KIF21B: variants seen among roughly 807,000 people sequenced by gnomAD.
KIF21B encodes kinesin-like protein KIF21B.
In KIF21B, 85 loss-of-function variants were observed where a neutral mutation model predicts 192.9. The ratio of observed to expected loss-of-function variants is 0.44; its 90% CI spans 0.37 to 0.53. KIF21B has a LOEUF of 0.53. Among genes scored for constraint, KIF21B ranks in the 20% least tolerant of loss-of-function variants. The pLI, the probability that KIF21B is intolerant of heterozygous loss-of-function variation, is 0.00. For missense variants in KIF21B, 1,716 were observed against 2,194.8 expected, an observed-to-expected ratio of 0.78 and a Z score of 4.36; for synonymous variants, 832 against 884.6, an observed-to-expected ratio of 0.94 and a Z score of 1.05.
chr1:200,999,322 C>A lies in KIF21B; in HGVS notation c.1885+27G>T, dbSNP rs1181919894. On this transcript the variant is annotated intron_variant, in intron 13 of 34. Coordinates refer to ENST00000461742, the MANE Select transcript of KIF21B (RefSeq NM_001252102.2). This position sits in a 1 kb window ranked among gnomAD's most constrained non-coding sequence, Gnocchi z 4.7. ...ACTGGCAGCCAGGCATTGCATCCCC[C>A]ACAGCCCACAGCTCAGGCCCACGCA... 1 of 1,613,992 alleles carries A rather than the reference C, an allele frequency of 6.2e-7. No individual in the cohort carries two copies. Among genetic ancestry groups the A allele is most frequent in the South Asian group, 1.1e-5 (1 of 91,086 alleles).
chr1:200,976,963 G>T (rs1655592894), intron 31 of KIF21B, 70 bp from the exon 32 acceptor site: 3 of 1,218,710 alleles, frequency 2.5e-6, no homozygotes, highest in Admixed American at 4.0e-5. Flanking sequence ...TGGGGTGTCT[G>T]CCCCAAAACA....
Position 200,973,421 on chromosome 1 carries a change from C to A in KIF21B, c.*100G>T. On this transcript the variant is annotated 3_prime_UTR_variant, in exon 35 of 35. Coordinates refer to ENST00000461742, the MANE Select transcript of KIF21B (RefSeq NM_001252102.2). ...CAGGAGAGGGGGCCACGCCCTCTGTCCCCAGAGCAGCTGGCCCCATCGGCC... is the reference window on the plus strand; with the variant it reads ...CAGGAGAGGGGGCCACGCCCTCTGTACCCAGAGCAGCTGGCCCCATCGGCC... 1 of 1,347,572 alleles carries A rather than the reference C, an allele frequency of 7.4e-7. No individual in the cohort carries two copies. Among genetic ancestry groups the A allele is most frequent in the East Asian group, 3.1e-5 (1 of 32,748 alleles). 83.5% of individuals were successfully genotyped at this position (1,347,572 alleles called of 1,614,324 possible). A position where few individuals can be genotyped will look rare whatever the true frequency, so the allele number is the denominator to read the frequency against.
intron 25 of KIF21B, 37 bp from the exon 26 acceptor site, chr1:200,986,955 T>G (rs1158654888): frequency 6.2e-7 from 1 of 1,612,338 alleles, no homozygotes; most frequent in Non-Finnish European, 8.5e-7. Flanking sequence ...CAGACCCAAC[T>G]CCACCTCCAC....
intron 21 of KIF21B, among the ~76,000 whole-genome samples, chr1:200,989,324 G>A (rs1656519692): frequency 6.6e-6 from 1 of 152,166 alleles, no homozygotes; most frequent in Non-Finnish European, 1.5e-5. Flanking sequence ...CAGACACAAA[G>A]CGGAGCTGAG....
In KIF21B at chr1:200,990,981, G is replaced by A. The variant is rs146392643; in HGVS notation, c.2623C>T (p.Arg875Cys). Residue 875 changes from arginine (R) to cysteine (C), a missense_variant, in exon 18 of 35, where the codon CGC becomes TGC. Physicochemically the swap from Arg to Cys is radical, Grantham distance 180. This residue lies in a region of KIF21B where 1,087 missense variants were observed against 1,316.6 expected (regional missense o/e 0.83). Transcript: ENST00000461742. This position sits in a 1 kb window ranked among gnomAD's most constrained non-coding sequence, Gnocchi z 5.4. ...SVSSIVRQWNRKINHFLGDHP... is the reference protein window; with the variant it reads ...SVSSIVRQWNCKINHFLGDHP... ...TCCCCCAAGAAGTGGTTGATTTTGCGGTTCCACTGGCGCACGATGCTGGAG... is the reference window on the plus strand; with the variant it reads ...TCCCCCAAGAAGTGGTTGATTTTGCAGTTCCACTGGCGCACGATGCTGGAG... 4.2e-5 allele frequency: 67 copies of A among 1,614,174 alleles called. No homozygotes were observed. Among genetic ancestry groups the A allele is most frequent in the South Asian group, 3.8e-4 (35 of 91,084 alleles).
chr1:201,021,344 G>A (rs1349491170), intron 1 of KIF21B, among the ~76,000 whole-genome samples: 1 of 152,244 alleles, frequency 6.6e-6, no homozygotes, highest in Non-Finnish European at 1.5e-5. Flanking sequence ...GGTGGGAGGG[G>A]AGGAGTGGGC....
At chr1:200,996,418 G>A (rs773966364) in intron 14 of KIF21B, 23 bp from the exon 15 acceptor site, 1 of 1,607,852 alleles carries the variant, frequency 6.2e-7, no homozygotes, top group Non-Finnish European at 8.5e-7. Flanking sequence ...AGACGCAGCT[G>A]TCGGTGCTGG....
rs780848833 is a variant in KIF21B at position 200,974,833 on chromosome 1, A to T, written c.4695T>A (p.Arg1565=). 2 of 1,614,224 alleles carry T rather than the reference A, an allele frequency of 1.2e-6. No individual in the cohort carries two copies. Among genetic ancestry groups the T allele is most frequent in the South Asian group, 2.2e-5 (2 of 91,088 alleles). The part of the protein sequence containing the change: ...PGRPMLLSAC[R]AGVIKVWNVD... Reference sequence around the variant, plus strand: ...CGTTCCAGACCTTGATGACACCCGCACGGCAGGCGCTGAGCAGCATGGGGC... The same window carrying T: ...CGTTCCAGACCTTGATGACACCCGCTCGGCAGGCGCTGAGCAGCATGGGGC... Residue 1565 remains arginine (R), a synonymous_variant, in exon 34 of 35, where the codon CGT becomes CGA. Transcript: ENST00000461742.
intron 3 of KIF21B, among the ~76,000 whole-genome samples, chr1:201,007,373 GAGAC>G (rs1657936261): frequency 2.4e-5 from 1 of 42,318 alleles, no homozygotes; most frequent in Non-Finnish European, 4.2e-5. Context: ...CACACACACA[GAGAC>G]AGAGACACAC....
At chr1:201,007,047 T>C (rs1343398837) in intron 3 of KIF21B, among the ~76,000 whole-genome samples, 1,046 of 24,794 alleles carry the variant, frequency 0.042, no homozygotes, top group Middle Eastern at 0.071. Context: ...CAGAGACACA[T>C]AGACACACAC....
intron 27 of KIF21B, 24 bp downstream of exon 27, chr1:200,984,835 C>G (rs372023400): frequency 1.0e-5 from 15 of 1,492,672 alleles, no homozygotes; most frequent in Admixed American, 4.6e-5. Flanking sequence ...TGCCCTCCCC[C>G]ACTTGCCCTC....
Position 200,975,097 on chromosome 1 carries a change from G to A in KIF21B, c.4615-184C>T, listed in dbSNP as rs144324593. On this transcript the variant is annotated intron_variant, in intron 33 of 34. Transcript: ENST00000461742. This position sits in a 1 kb window ranked among gnomAD's most constrained non-coding sequence, Gnocchi z 4.3. Reference sequence around the variant, plus strand: ...GTGGCCTGTGCTGTGGGCTTTAGGGGACCAGAGATGGGTCCCTCTGCTCTA... The same window carrying A: ...GTGGCCTGTGCTGTGGGCTTTAGGGAACCAGAGATGGGTCCCTCTGCTCTA... Among the ~76,000 whole-genome samples, 1,414 of 152,320 alleles carry A rather than the reference G, an allele frequency of 9.3e-3. 19 individuals are homozygous for A. Among genetic ancestry groups the A allele is most frequent in the Non-Finnish European group, 0.011 (777 of 68,022 alleles).
chr1:200,999,325 A>T lies in KIF21B; in HGVS notation c.1885+24T>A, dbSNP rs140574060. 2,031 of 1,613,948 alleles carry T rather than the reference A, an allele frequency of 1.3e-3. 32 individuals are homozygous for T. The African/African-American group carries it at 0.024, about 19-fold the overall frequency. On this transcript the variant is annotated intron_variant, in intron 13 of 34. Transcript: ENST00000461742. The surrounding 1 kb of genome is among the most constrained non-coding windows in gnomAD (Gnocchi z 4.7). ...GGCAGCCAGGCATTGCATCCCCCAC[A>T]GCCCACAGCTCAGGCCCACGCACCC...
At chr1:200,986,517 C>T (rs1656312839) in intron 26 of KIF21B, among the ~76,000 whole-genome samples, 2 of 152,054 alleles carry the variant, frequency 1.3e-5, no homozygotes, top group Admixed American at 6.5e-5. Context: ...GCCACTATGC[C>T]TGGCTAATTT....
chr1:201,006,949 CAG>C (rs1354756403), intron 3 of KIF21B, among the ~76,000 whole-genome samples: 1 of 146,054 alleles, frequency 6.8e-6, no homozygotes, highest in Non-Finnish European at 1.5e-5. Flanking sequence ...CAGACACACA[CAG>C]ACACACACAC....
Position 201,003,619 on chromosome 1 carries a change from A to C in KIF21B, c.1179T>G (p.Ala393=). The change falls in exon 8 of 35, where the codon GCT becomes GCG. Residue 393 remains alanine, a synonymous_variant. Coordinates refer to ENST00000461742, the MANE Select transcript of KIF21B (RefSeq NM_001252102.2). ...QQISALRAEI[A]RLQMELMEYK... ...ACTCCATCAGCTCCATCTGCAGCCG[A>C]GCAATCTCAGCCCGCAGTGCACTGA... is the stretch of plus-strand genomic sequence containing the variant. The C allele has an allele frequency of 6.2e-7, 1 of 1,614,134 alleles. No homozygotes were observed. Among genetic ancestry groups the C allele is most frequent in the Non-Finnish European group, 8.5e-7 (1 of 1,180,052 alleles).
At chr1:200,996,166 G>A in intron 15 of KIF21B, 30 bp downstream of exon 15, 1 of 1,605,464 alleles carries the variant, frequency 6.2e-7, no homozygotes, top group Non-Finnish European at 8.5e-7. Context: ...AGGCACTCCA[G>A]GCCCCACTCC....
intron 3 of KIF21B, among the ~76,000 whole-genome samples, chr1:201,007,229 CAG>C (rs1657912906): frequency 6.7e-6 from 1 of 148,822 alleles, no homozygotes. Context: ...CAGACACACA[CAG>C]ACACACACAC....
intron 17 of KIF21B, 22 bp from the exon 18 acceptor site, chr1:200,991,171 A>G (rs563510247): frequency 2.0e-4 from 313 of 1,600,986 alleles, no homozygotes; most frequent in Non-Finnish European, 2.5e-4. Flanking sequence ...GGGAGAAAAG[A>G]GGGAGCCGGT....
Sources: allele counts gnomAD v4.1 joint callset (sites outside exome capture counted in the v4.1 genomes callset), GRCh38; gene constraint gnomAD v4.1.1; regional missense constraint gnomAD v4.1.1; non-coding constraint Gnocchi (gnomAD v3.1); transcripts MANE v1.5; gene names NCBI Gene and HGNC (gene_info 2026-07-23, HGNC 2026-07-21).